EDRF1: variants seen among roughly 807,000 people sequenced by gnomAD.
The protein encoded by EDRF1 is erythroid differentiation-related factor 1.
In EDRF1, 69 loss-of-function variants were observed where a neutral mutation model predicts 148.7. The ratio of observed to expected loss-of-function variants is 0.46; its 90% CI spans 0.38 to 0.57. The LOEUF (loss-of-function observed/expected upper bound fraction) is 0.57, where lower values mean the gene tolerates loss of function less well. Ranked by LOEUF, EDRF1 falls within the 20% of genes least tolerant of loss-of-function variation. EDRF1 has a pLI of 0.00. For missense variants in EDRF1, 1,118 were observed against 1,478.7 expected, an observed-to-expected ratio of 0.76 and a Z score of 4.00; for synonymous variants, 515 against 532.8, an observed-to-expected ratio of 0.97 and a Z score of 0.46.
chr10:125,740,350 G>C, intron 15 of EDRF1, 113 bp from the exon 16 acceptor site: 1 of 1,089,764 alleles, frequency 9.2e-7, no homozygotes, highest in Non-Finnish European at 1.4e-6. Context: ...GTATTTACCA[G>C]TCTTGTCACC....
intron 21 of EDRF1, chr10:125,748,373 A>C (rs1757907702): frequency 3.1e-6 from 1 of 320,774 alleles, no homozygotes; most frequent in Non-Finnish European, 6.0e-6. Flanking sequence ...ATGATTAGTG[A>C]ATTTTGGGGT....
In EDRF1 at chr10:125,740,480, G is replaced by A; in HGVS notation, c.1999G>A (p.Gly667Ser). 1 of 1,614,020 alleles carries A rather than the reference G, an allele frequency of 6.2e-7. No individual in the cohort carries two copies. Among genetic ancestry groups the A allele is most frequent in the Non-Finnish European group, 8.5e-7 (1 of 1,180,012 alleles). Reference sequence around the variant, plus strand: ...TGTCACAGTGGGCTCCCTTCAGAAGGGCAATTATTCCAGTCAATCTGGAAT... The same window carrying A: ...TGTCACAGTGGGCTCCCTTCAGAAGAGCAATTATTCCAGTCAATCTGGAAT... ...FLDKMGSLQK[G>S]NYSSQSGMIP... The change falls in exon 16 of 25, where the codon GGC becomes AGC. Residue 667 changes from glycine to serine, a missense_variant. Physicochemically the swap from Gly to Ser is moderately conservative, Grantham distance 56 (BLOSUM62 0). Coordinates refer to ENST00000356792, the MANE Select transcript of EDRF1 (RefSeq NM_001202438.2).
chr10:125,733,980 C>G, intron 11 of EDRF1, 92 bp from the exon 12 acceptor site: 1 of 1,107,818 alleles, frequency 9.0e-7, no homozygotes, highest in Non-Finnish European at 1.4e-6. Flanking sequence ...TCTTATAGCT[C>G]TTTGTTGGAA....
At chr10:125,751,173 A>G (rs1849615808) in intron 22 of EDRF1, among the ~76,000 whole-genome samples, 1 of 152,188 alleles carries the variant, frequency 6.6e-6, no homozygotes, top group Admixed American at 6.5e-5. Flanking sequence ...TCTTGAGCTC[A>G]AGCGATACTC....
chr10:125,723,729 A>T, intron 3 of EDRF1, 82 bp from the exon 4 acceptor site: 1 of 1,422,162 alleles, frequency 7.0e-7, no homozygotes, highest in Non-Finnish European at 9.8e-7. Flanking sequence ...TATGCTTTAA[A>T]ATGAATGAAG....
chr10:125,753,839 A>G lies in EDRF1; in HGVS notation c.3539A>G (p.Lys1180Arg). ...SIKLLSSTKK[K>R]TSNNIEDDTI... ...AAACTGCTATCTTCAACTAAAAAGA[A>G]AACAAGGTAAATTAAGTGGTTATTT... Residue 1180 changes from lysine (K) to arginine (R), a missense_variant, in exon 24 of 25, where the codon AAA (lysine) becomes AGA (arginine). By Grantham distance (26) the Lys-to-Arg change is conservative. Transcript: ENST00000356792. 1 of 1,612,694 alleles carries G rather than the reference A, an allele frequency of 6.2e-7. No homozygotes were observed. The highest frequency in any genetic ancestry group is 8.5e-7 in the Non-Finnish European group (1 of 1,179,920).
chr10:125,740,839 G>T (rs1848981968), intron 16 of EDRF1, among the ~76,000 whole-genome samples, 162 bp from the exon 17 acceptor site: 1 of 152,124 alleles, frequency 6.6e-6, no homozygotes, highest in Non-Finnish European at 1.5e-5. Context: ...TCTTTGCTTT[G>T]AACTACATGA....
rs754539075 is a variant in EDRF1, at chr10:125,728,043, G to GA, written c.793-951dup. Among the ~76,000 whole-genome samples, 13 of 150,508 alleles carry GA rather than the reference G, an allele frequency of 8.6e-5. No individual in the cohort carries two copies. The South Asian group carries it at 1.7e-3, about 19-fold the overall frequency. On this transcript the variant is annotated intron_variant, in intron 6 of 24. Transcript: ENST00000356792. The stretch of plus-strand genomic sequence containing the variant: ...GAAACCCCATCTCTATTTAAAAAAA[G>GA]AAAAAAAAATTAGCCGGGCATGGTG...
At chr10:125,725,550 T>TA in intron 5 of EDRF1, 108 bp downstream of exon 5, 3 of 1,566,548 alleles carry the variant, frequency 1.9e-6, no homozygotes, top group Non-Finnish European at 1.8e-6. Flanking sequence ...GTGATACTGT[T>TA]AACATTTGTT....
Position 125,743,152 on chromosome 10 carries a change from T to G in EDRF1, c.2466T>G (p.Phe822Leu). The G allele has an allele frequency of 6.2e-7, 1 of 1,613,970 alleles. No homozygotes were observed. The highest frequency in any genetic ancestry group is 8.5e-7 in the Non-Finnish European group (1 of 1,179,928). ...AGGCTGCTAATGAAATCTTGCAGTT[T>G]AGTGACTTGAAAAGCCAAAATCCAG... Reference protein sequence around the residue: ...CYEAANEILQFSDLKSQNPEH... With the variant: ...CYEAANEILQLSDLKSQNPEH... The change falls in exon 18 of 25, where the codon TTT (phenylalanine) becomes TTG (leucine). Residue 822 changes from phenylalanine (F) to leucine (L), a missense_variant. Coordinates refer to ENST00000356792, the MANE Select transcript of EDRF1 (RefSeq NM_001202438.2).
At chr10:125,752,720 A>G in intron 22 of EDRF1, 79 bp from the exon 23 acceptor site, 1 of 962,534 alleles carries the variant, frequency 1.0e-6, no homozygotes, top group Non-Finnish European at 1.6e-6. Flanking sequence ...GAAAGTCTGA[A>G]TTTTCATTAA....
chr10:125,723,525 G>A (rs533575189), intron 3 of EDRF1, among the ~76,000 whole-genome samples: 6 of 152,242 alleles, frequency 3.9e-5, no homozygotes, highest in Non-Finnish European at 8.8e-5. Flanking sequence ...GCCTGGGTCA[G>A]CATAACAGTG....
intron 12 of EDRF1, among the ~76,000 whole-genome samples, chr10:125,735,396 C>G (rs1450942429): frequency 2.0e-5 from 3 of 152,012 alleles, no homozygotes; most frequent in African/African-American, 7.2e-5. Context: ...CAGTTGACAC[C>G]TTTTAAGAGG....
intron 24 of EDRF1, among the ~76,000 whole-genome samples, chr10:125,757,830 C>G (rs1175499778): frequency 1.3e-5 from 2 of 152,204 alleles, no homozygotes; most frequent in African/African-American, 4.8e-5. Context: ...AGAAATGCAT[C>G]TTCCTTGCCT....
intron 15 of EDRF1, among the ~76,000 whole-genome samples, chr10:125,738,706 G>A (rs944929413): frequency 9.9e-5 from 15 of 152,204 alleles, no homozygotes; most frequent in Non-Finnish European, 2.1e-4. Flanking sequence ...TCAGCCTGGT[G>A]GAGTTCTCGC....
chr10:125,729,854 A>T (rs1167879994), intron 8 of EDRF1, among the ~76,000 whole-genome samples: 1 of 152,220 alleles, frequency 6.6e-6, no homozygotes, highest in African/African-American at 2.4e-5. Context: ...GAGAATATTC[A>T]AGAGAGTTTA....
rs927824751 is a variant in EDRF1 at position 125,722,777 on chromosome 10, TAAAG to T, written c.318-288_318-285del. On this transcript the variant is annotated intron_variant, in intron 2 of 24. Coordinates refer to ENST00000356792, the MANE Select transcript of EDRF1 (RefSeq NM_001202438.2). ...ACTTTGAGTTTTGTGATTACAAAAA[TAAAG>T]AATAATTGTTTTTATTCTAAATATT... Among the ~76,000 whole-genome samples, 60 of 152,226 alleles carry T rather than the reference TAAAG, an allele frequency of 3.9e-4. 1 individual carries two copies. Among genetic ancestry groups the T allele is most frequent in the Non-Finnish European group, 1.5e-4 (10 of 68,034 alleles).
At chr10:125,748,589 T>TC (rs202232128) in intron 21 of EDRF1, 388 of 98,448 alleles carry the variant, frequency 3.9e-3, no homozygotes, top group African/African-American at 8.7e-3. Context: ...TTTGTTGATT[T>TC]TCCCCCCCCG....
intron 13 of EDRF1, among the ~76,000 whole-genome samples, chr10:125,736,930 A>G (rs773476416): frequency 6.6e-6 from 1 of 151,858 alleles, no homozygotes; most frequent in Non-Finnish European, 1.5e-5. Flanking sequence ...TGAAGTTCTT[A>G]ATGTTTGTCT....
Sources: gnomAD v4.1 joint callset for allele counts (sites outside exome capture counted in the v4.1 genomes callset) on GRCh38, gnomAD v4.1.1 for gene constraint, MANE v1.5 for transcripts, NCBI Gene and HGNC (gene_info 2026-07-23, HGNC 2026-07-21) for gene names.